MMP26: variants seen among roughly 807,000 people sequenced by gnomAD.
MMP26 encodes the protein matrix metalloproteinase-26.
A neutral mutation model predicts 31.0 loss-of-function variants in MMP26; 33 were observed. The ratio of observed to expected loss-of-function variants is 1.06; its 90% CI spans 0.81 to 1.42. MMP26 has a LOEUF of 1.42. MMP26 is among the 40% of genes most tolerant of loss of function. The probability of loss-of-function intolerance (pLI) is 0.00; values close to 1 mark genes in which losing one functional copy is unlikely to be tolerated. For missense variants in MMP26, 347 were observed against 316.1 expected, an observed-to-expected ratio of 1.10 and a Z score of -0.74; for synonymous variants, 122 against 114.9, an observed-to-expected ratio of 1.06 and a Z score of -0.40.
At chr11:4,910,832 A>AT (rs1392433480) in intron 2 of MMP26, among the ~76,000 whole-genome samples, 3 of 141,462 alleles carry the variant, frequency 2.1e-5, no homozygotes, top group East Asian at 1.9e-4. Flanking sequence ...CCATCATGGA[A>AT]TAAAAAAAAA....
intron 2 of MMP26, among the ~76,000 whole-genome samples, chr11:4,796,884 C>T (rs2097667860): frequency 6.6e-6 from 1 of 152,030 alleles, no homozygotes; most frequent in South Asian, 2.1e-4. Context: ...TCTGTAATTG[C>T]TCCTGGAAGC....
At chr11:4,966,226 A>C (rs546784582) in intron 2 of MMP26, among the ~76,000 whole-genome samples, 1 of 152,170 alleles carries the variant, frequency 6.6e-6, no homozygotes, top group East Asian at 1.9e-4. Context: ...ACAAATACAG[A>C]AGGAAAAGGA....
intron 2 of MMP26, among the ~76,000 whole-genome samples, chr11:4,881,438 A>G (rs988198216): frequency 1.3e-5 from 2 of 152,178 alleles, no homozygotes; most frequent in African/African-American, 2.4e-5. Flanking sequence ...GTAGACTTTT[A>G]TACATAATTT....
At chr11:4,829,197 G>A (rs1266594650) in intron 2 of MMP26, among the ~76,000 whole-genome samples, 1 of 152,148 alleles carries the variant, frequency 6.6e-6, no homozygotes. Context: ...AGCTTTATCA[G>A]AGCTCTGCAT....
At chr11:4,816,513 TA>T (rs1554884906) in intron 2 of MMP26, among the ~76,000 whole-genome samples, 26 of 146,494 alleles carry the variant, frequency 1.8e-4, no homozygotes, top group Non-Finnish European at 2.1e-4. Context: ...GTGAGATAAT[TA>T]AAAAAAAAAG....
intron 2 of MMP26, among the ~76,000 whole-genome samples, chr11:4,920,843 A>G (rs1851173007): frequency 6.6e-6 from 1 of 152,210 alleles, no homozygotes; most frequent in South Asian, 2.1e-4. Flanking sequence ...TTTCTCTAAT[A>G]TCCTACCTAA....
At chr11:4,849,672 A>T (rs1236677595) in intron 2 of MMP26, among the ~76,000 whole-genome samples, 1 of 151,550 alleles carries the variant, frequency 6.6e-6, no homozygotes, top group African/African-American at 2.4e-5. Flanking sequence ...GTCCCCAATT[A>T]CTCCTTTATT....
chr11:4,882,595 C>T (rs1421985375), intron 2 of MMP26: 1 of 1,613,748 alleles, frequency 6.2e-7, no homozygotes. Flanking sequence ...GCATTGTGGC[C>T]CGAAAGAAGC....
chr11:4,957,763 C>T (rs567522975), intron 2 of MMP26, among the ~76,000 whole-genome samples: 3 of 152,046 alleles, frequency 2.0e-5, no homozygotes, highest in South Asian at 2.1e-4. Flanking sequence ...ACTGCAACCT[C>T]CATCTCCTAG....
At chr11:4,803,877 C>G (rs1252639790) in intron 2 of MMP26, 2 of 1,612,662 alleles carry the variant, frequency 1.2e-6, no homozygotes, top group Admixed American at 3.3e-5. Flanking sequence ...AGAAGGGCAT[C>G]CTAGACACCA....
rs79934439 is a variant in MMP26 at position 4,728,042 on chromosome 11, G to A, written c.-217+22997G>A. Reference sequence around the variant, plus strand: ...TGAGAAGTAAAATTTTAAAAACAAGGTATGTATTAGGAGGTCTAAATTATT... The same window carrying A: ...TGAGAAGTAAAATTTTAAAAACAAGATATGTATTAGGAGGTCTAAATTATT... On this transcript the variant is annotated intron_variant, in intron 1 of 7. Coordinates refer to ENST00000380390, the MANE Select transcript of MMP26 (RefSeq NM_021801.5). Among the ~76,000 whole-genome samples the A allele has an allele frequency of 7.5e-3, 1,137 of 152,186 alleles. 14 individuals are homozygous for A. Among genetic ancestry groups the A allele is most frequent in the African/African-American group, 0.022 (931 of 41,518 alleles).
At chr11:4,873,476 C>G (rs147072028) in intron 2 of MMP26, among the ~76,000 whole-genome samples, 53 of 152,166 alleles carry the variant, frequency 3.5e-4, no homozygotes, top group Middle Eastern at 6.8e-3. Context: ...CTGCAACAGC[C>G]ACTACTGGCA....
intron 2 of MMP26, chr11:4,848,680 A>G (rs1179418501): frequency 6.2e-7 from 1 of 1,614,078 alleles, no homozygotes; most frequent in Non-Finnish European, 8.5e-7. Flanking sequence ...TGTGGGAGGC[A>G]GTAGGGCATG....
rs375636457 is a variant in MMP26 at position 4,821,755 on chromosome 11, A to G, written c.-145+54414A>G. 189 of 1,613,720 alleles carry G rather than the reference A, an allele frequency of 1.2e-4. No homozygotes were observed. Among genetic ancestry groups the G allele is most frequent in the Admixed American group, 2.8e-4 (17 of 59,978 alleles). ...GTTCTTTCTACACGGATTTACTTTC[A>G]TGGAGTCTGGGGTTCTACTGGCCAT... On this transcript the variant is annotated intron_variant, in intron 2 of 7. Transcript: ENST00000380390.
intron 1 of MMP26, among the ~76,000 whole-genome samples, chr11:4,712,709 T>C (rs991622794): frequency 6.6e-6 from 1 of 152,162 alleles, no homozygotes; most frequent in Non-Finnish European, 1.5e-5. Flanking sequence ...TAATCTTGTA[T>C]AGTATAGTTA....
At chr11:4,897,748 T>C (rs1850732250) in intron 2 of MMP26, among the ~76,000 whole-genome samples, 1 of 151,674 alleles carries the variant, frequency 6.6e-6, no homozygotes, top group Admixed American at 6.6e-5. Context: ...AATATTATAT[T>C]GTACCATATG....
chr11:4,857,539 C>T (rs557572482), intron 2 of MMP26, among the ~76,000 whole-genome samples: 86 of 152,102 alleles, frequency 5.7e-4, no homozygotes, highest in African/African-American at 1.9e-3. Flanking sequence ...AAGTTGAATC[C>T]CTGAATAGAC....
intron 2 of MMP26, among the ~76,000 whole-genome samples, chr11:4,921,269 T>A (rs1442159683): frequency 6.6e-6 from 1 of 152,222 alleles, no homozygotes; most frequent in Non-Finnish European, 1.5e-5. Flanking sequence ...TATAACCAAG[T>A]TGTCCCAAAT....
chr11:4,924,070 A>G (rs528693698), intron 2 of MMP26: 2 of 1,614,170 alleles, frequency 1.2e-6, no homozygotes, highest in South Asian at 1.1e-5. Flanking sequence ...TCTCTCTGGT[A>G]TCAAACCAGA....
Sources: allele counts gnomAD v4.1 joint callset (sites outside exome capture counted in the v4.1 genomes callset), GRCh38; gene constraint gnomAD v4.1.1; transcripts MANE v1.5; gene names NCBI Gene and HGNC (gene_info 2026-07-23, HGNC 2026-07-21).